IFT43: variants seen among roughly 807,000 people sequenced by gnomAD.
The protein encoded by IFT43 is intraflagellar transport protein 43 homolog.
IFT43 carries 33 observed loss-of-function variants against 32.3 expected under a neutral mutation model. The ratio of observed to expected loss-of-function variants is 1.02; its 90% CI spans 0.77 to 1.37. The LOEUF is 1.37. Ranked by LOEUF, IFT43 falls within the 40% of genes most tolerant of loss-of-function variation. IFT43 has a pLI of 0.00. For synonymous variants in IFT43, 93 were observed against 98.2 expected (o/e 0.95, Z 0.31); for missense variants, 274 against 265.9 (o/e 1.03, Z -0.21).
chr14:76,052,970 G>A (rs1190884781), intron 3 of IFT43, among the ~76,000 whole-genome samples: 2 of 152,108 alleles, frequency 1.3e-5, no homozygotes, highest in Admixed American at 1.3e-4. Context: ...ATGTCTCCAT[G>A]GTGTAAGGGT....
At chr14:76,034,094 C>A (rs376790282) in intron 3 of IFT43, among the ~76,000 whole-genome samples, 31 of 152,220 alleles carry the variant, frequency 2.0e-4, no homozygotes, top group African/African-American at 7.0e-4. Context: ...ACCTTAAATT[C>A]TTTTTGGGTG....
At chr14:76,027,937 T>G (rs2036435092) in intron 3 of IFT43, among the ~76,000 whole-genome samples, 1 of 152,182 alleles carries the variant, frequency 6.6e-6, no homozygotes, top group Non-Finnish European at 1.5e-5. Context: ...AAACTAGTCC[T>G]CACCTTTCCC....
chr14:76,070,462 C>T (rs961068370), intron 5 of IFT43, among the ~76,000 whole-genome samples: 3 of 152,288 alleles, frequency 2.0e-5, no homozygotes, highest in African/African-American at 7.2e-5. Context: ...TTAGTAAGAA[C>T]ATTTCGTTAT....
At position 76,016,421 on chromosome 14, in the gene IFT43, T is replaced by TA. The variant is rs533178006; in HGVS notation, c.148-5905dup. Among the ~76,000 whole-genome samples, 189 of 152,284 alleles carry TA rather than the reference T, an allele frequency of 1.2e-3. 5 individuals are homozygous for TA. The South Asian group carries it at 0.037, about 30-fold the overall frequency. ...TCTCTTCCTTTGATCTATTTGTTTT[T>TA]ATACCAATATTATGCTGTTTTGGTT... On this transcript the variant is annotated intron_variant, in intron 2 of 8. Transcript: ENST00000314067.
chr14:76,069,811 T>C (rs921559160), intron 5 of IFT43, among the ~76,000 whole-genome samples: 2 of 151,934 alleles, frequency 1.3e-5, no homozygotes, highest in African/African-American at 2.4e-5. Flanking sequence ...CTGAGTGGAG[T>C]TGTAGCTCCC....
intron 5 of IFT43, among the ~76,000 whole-genome samples, chr14:76,073,389 A>G (rs1042174479): frequency 1.3e-5 from 2 of 152,214 alleles, no homozygotes; most frequent in African/African-American, 4.8e-5. Context: ...TCCTTCTGAC[A>G]CATCACACAT....
chr14:76,000,070 C>A (rs1220415574), intron 2 of IFT43, among the ~76,000 whole-genome samples: 1 of 152,242 alleles, frequency 6.6e-6, no homozygotes, highest in African/African-American at 2.4e-5. Flanking sequence ...AAACTTCAGG[C>A]GTTTCCCCAT....
chr14:76,062,710 A>AG (rs71122514), intron 5 of IFT43, among the ~76,000 whole-genome samples: 151,944 of 151,944 alleles, frequency 1, 75,972 homozygotes, highest in Non-Finnish European at 1. Flanking sequence ...TGAGGTCAGG[A>AG]TTCAAGACCA....
chr14:76,013,037 T>C (rs1343108592), intron 2 of IFT43, among the ~76,000 whole-genome samples: 1 of 152,186 alleles, frequency 6.6e-6, no homozygotes, highest in African/African-American at 2.4e-5. Flanking sequence ...AAATGCCAAC[T>C]CAAACAGATG....
chr14:75,985,840 C>T lies in IFT43; in HGVS notation c.54C>T (p.Ser18=). 1 of 1,614,020 alleles carries T rather than the reference C, an allele frequency of 6.2e-7. No homozygotes were observed. The highest frequency in any genetic ancestry group is 2.2e-5 in the East Asian group (1 of 44,856). ...DEELRYSLAT[S]RAKMGRRAQQ... ...AGCTTCGCTACAGCTTGGCTACCTCCGTGAGGACCAATTCGGGGGCCTTGG... is the reference window on the plus strand; with the variant it reads ...AGCTTCGCTACAGCTTGGCTACCTCTGTGAGGACCAATTCGGGGGCCTTGG... Residue 18 remains serine (S), a splice_region_variant and synonymous_variant, in exon 1 of 9, where the codon TCC becomes TCT. Transcript: ENST00000314067.
At chr14:76,082,570 A>G (rs756647202) in intron 6 of IFT43, 47 bp from the exon 7 acceptor site, 1 of 1,612,956 alleles carries the variant, frequency 6.2e-7, no homozygotes, top group South Asian at 1.1e-5. Flanking sequence ...CACTCCTGGA[A>G]CAGGTCCTGC....
chr14:76,058,219 G>A (rs754946307), intron 3 of IFT43: 94 of 259,552 alleles, frequency 3.6e-4, no homozygotes, highest in Non-Finnish European at 5.5e-4. Flanking sequence ...CCTGAACTGC[G>A]AGGCGAGGAC....
intron 1 of IFT43, among the ~76,000 whole-genome samples, chr14:75,987,760 G>A (rs1227385261): frequency 6.6e-6 from 1 of 152,214 alleles, no homozygotes; most frequent in Non-Finnish European, 1.5e-5. Context: ...TAGAGGCAGA[G>A]TCTCCACCGG....
intron 2 of IFT43, among the ~76,000 whole-genome samples, chr14:76,015,652 G>A (rs1307400174): frequency 1.3e-5 from 2 of 152,142 alleles, no homozygotes; most frequent in Admixed American, 6.6e-5. Context: ...TTGGAGCTGC[G>A]GGTACCATTT....
intron 2 of IFT43, among the ~76,000 whole-genome samples, chr14:75,997,444 CT>C (rs1428569078): frequency 6.6e-6 from 1 of 152,212 alleles, no homozygotes; most frequent in East Asian, 1.9e-4. Context: ...TCTTTTATTG[CT>C]GCATCTTCAG....
At chr14:76,032,489 C>T (rs1027432730) in intron 3 of IFT43, among the ~76,000 whole-genome samples, 2 of 152,232 alleles carry the variant, frequency 1.3e-5, no homozygotes, top group African/African-American at 4.8e-5. Context: ...TAGCACCCCT[C>T]ATCGCTCTGT....
intron 5 of IFT43, among the ~76,000 whole-genome samples, chr14:76,075,028 A>G (rs2037388228): frequency 6.6e-6 from 1 of 152,130 alleles, no homozygotes; most frequent in Admixed American, 6.5e-5. Flanking sequence ...AGGCATTTCA[A>G]CGTATGGGCA....
rs748576209 is a variant in IFT43 at position 76,022,325 on chromosome 14, A to C, written c.148-2A>C. 9 of 1,612,522 alleles carry C rather than the reference A, an allele frequency of 5.6e-6. No homozygotes were observed. The highest frequency in any genetic ancestry group is 1.7e-5 in the Admixed American group (1 of 59,986). ...GTTCTTTTGACTTCTCTTTCCTTGT[A>C]GACTTCCTCTGCTAAATTACCTCGC... On this transcript the variant is annotated splice_acceptor_variant, in intron 2 of 8. Transcript: ENST00000314067. LOFTEE classifies it high-confidence loss of function.
chr14:76,058,074 A>T (rs1352515131), intron 3 of IFT43: 1 of 165,974 alleles, frequency 6.0e-6, no homozygotes, highest in Non-Finnish European at 1.3e-5. Flanking sequence ...GTTCTTATGC[A>T]CCCTGACGTG....
Sources: gnomAD v4.1 joint callset for allele counts (sites outside exome capture counted in the v4.1 genomes callset) on GRCh38, gnomAD v4.1.1 for gene constraint, MANE v1.5 for transcripts, NCBI Gene and HGNC (gene_info 2026-07-23, HGNC 2026-07-21) for gene names.